Variants in RAPGEF5 observed in about 807,000 individuals in gnomAD.
RAPGEF5 encodes the protein Rap guanine nucleotide exchange factor 5, also known as M-Ras-regulated GEF.
In RAPGEF5, 65 loss-of-function variants were observed where a neutral mutation model predicts 125.2. The ratio of observed to expected loss-of-function variants is 0.52; its 90% CI spans 0.43 to 0.64. The LOEUF (loss-of-function observed/expected upper bound fraction) is 0.64, where lower values mean the gene tolerates loss of function less well. Ranked by LOEUF, RAPGEF5 falls within the 30% of genes least tolerant of loss-of-function variation. The pLI, the probability that RAPGEF5 is intolerant of heterozygous loss-of-function variation, is 0.00. For missense variants in RAPGEF5, 958 were observed against 1,048.1 expected (o/e 0.91, Z 1.19); for synonymous variants, 391 against 385.9 (o/e 1.01, Z -0.16).
intron 22 of RAPGEF5, 117 bp downstream of exon 22, chr7:22,136,816 A>G (rs1298997526): frequency 2.3e-6 from 2 of 862,238 alleles, no homozygotes; most frequent in African/African-American, 1.8e-5. Flanking sequence ...TATACAAGTA[A>G]ACTAGTCTAG....
At chr7:22,321,797 T>G (rs996344477) in intron 1 of RAPGEF5, among the ~76,000 whole-genome samples, 2 of 152,164 alleles carry the variant, frequency 1.3e-5, no homozygotes, top group Non-Finnish European at 1.5e-5. Flanking sequence ...GCCACATAAC[T>G]AGCAGGCACA....
At chr7:22,165,094 C>G (rs760364208) in intron 12 of RAPGEF5, among the ~76,000 whole-genome samples, 1 of 152,052 alleles carries the variant, frequency 6.6e-6, no homozygotes, top group Non-Finnish European at 1.5e-5. Flanking sequence ...CAGAAACAAT[C>G]ATAAAGAAAG....
chr7:22,119,132 C>T lies in RAPGEF5; in HGVS notation c.*3274G>A, dbSNP rs1708291516. ...GTCTGTGCTGGCTAGAACAGACTCGCAGGGCTGGGATATGGGTAGCAGTGA... is the reference window on the plus strand; with the variant it reads ...GTCTGTGCTGGCTAGAACAGACTCGTAGGGCTGGGATATGGGTAGCAGTGA... On this transcript the variant is annotated 3_prime_UTR_variant, in exon 26 of 26. Coordinates refer to ENST00000665637, the MANE Select transcript of RAPGEF5 (RefSeq NM_012294.5). The surrounding 1 kb of genome is among the most constrained non-coding windows in gnomAD (Gnocchi z 4.1). The T allele has an allele frequency of 6.6e-6, 1 of 152,140 alleles. No individual in the cohort carries two copies. Among genetic ancestry groups the T allele is most frequent in the Non-Finnish European group, 1.5e-5 (1 of 68,050 alleles). 9.4% of individuals were successfully genotyped at this position (152,140 alleles called of 1,614,324 possible).
At chr7:22,343,041 G>T in intron 1 of RAPGEF5, among the ~76,000 whole-genome samples, 1 of 152,152 alleles carries the variant, frequency 6.6e-6, no homozygotes, top group Non-Finnish European at 1.5e-5. Context: ...TGCTGATAAA[G>T]ACATACCCTG....
chr7:22,172,662 C>T (rs1784386232), intron 11 of RAPGEF5, among the ~76,000 whole-genome samples: 1 of 152,104 alleles, frequency 6.6e-6, no homozygotes, highest in Non-Finnish European at 1.5e-5. Flanking sequence ...AGTTCTGTTA[C>T]ATATAAATGT....
intron 23 of RAPGEF5, among the ~76,000 whole-genome samples, 200 bp downstream of exon 23, chr7:22,135,838 G>C (rs1422477603): frequency 1.3e-5 from 2 of 152,176 alleles, no homozygotes; most frequent in Non-Finnish European, 2.9e-5. Flanking sequence ...TTTGGTGTCT[G>C]CTCAAACACA....
chr7:22,310,394 G>A (rs935131471), intron 3 of RAPGEF5, among the ~76,000 whole-genome samples: 2 of 152,116 alleles, frequency 1.3e-5, no homozygotes, highest in Non-Finnish European at 2.9e-5. Context: ...CAGGAGAGCA[G>A]GAACTTTATA....
At chr7:22,316,472 TATATATATATATATATA>T (rs1783595004) in intron 2 of RAPGEF5, among the ~76,000 whole-genome samples, 2 of 53,620 alleles carry the variant, frequency 3.7e-5, no homozygotes, top group African/African-American at 1.8e-4. Context: ...TATATATATA[TATATATATATATATATA>T]TTTTTTTTTT....
intron 5 of RAPGEF5, among the ~76,000 whole-genome samples, chr7:22,296,974 A>T (rs1783077664): frequency 6.6e-6 from 1 of 152,194 alleles, no homozygotes; most frequent in Non-Finnish European, 1.5e-5. Flanking sequence ...AGACTTCTGT[A>T]ATCTTGACAA....
intron 11 of RAPGEF5, among the ~76,000 whole-genome samples, chr7:22,168,262 C>A (rs1321169057): frequency 6.6e-6 from 1 of 152,100 alleles, no homozygotes; most frequent in Non-Finnish European, 1.5e-5. Flanking sequence ...AATGGCATTG[C>A]TATCTTTATA....
chr7:22,284,092 C>CGT (rs1562507581), intron 6 of RAPGEF5, among the ~76,000 whole-genome samples: 1 of 123,624 alleles, frequency 8.1e-6, no homozygotes, highest in Non-Finnish European at 1.7e-5. Context: ...TGTGTGTGCG[C>CGT]GTGCATGTGG....
Position 22,291,094 on chromosome 7 carries a change from C to A in RAPGEF5, c.747+81G>T. On this transcript the variant is annotated intron_variant, in intron 6 of 25. Coordinates refer to ENST00000665637, the MANE Select transcript of RAPGEF5 (RefSeq NM_012294.5). ...GCCACAGGGAAAATGTCTCTCTACA[C>A]CATCACCCAAAGAACTTCCCTTCTA... is the stretch of plus-strand genomic sequence containing the variant. 4.2e-6 allele frequency: 6 copies of A among 1,444,776 alleles called. No homozygotes were observed. In the South Asian group the frequency reaches 7.0e-5, roughly 17 times the overall value. 89.5% of individuals were successfully genotyped at this position (1,444,776 alleles called of 1,614,324 possible).
At chr7:22,351,821 C>G (rs903249711) in intron 1 of RAPGEF5, among the ~76,000 whole-genome samples, 74 of 152,268 alleles carry the variant, frequency 4.9e-4, no homozygotes, top group Non-Finnish European at 3.4e-4. Context: ...AGTCAAGTTT[C>G]TAGCAGAGGA....
At chr7:22,331,973 A>G (rs1783930025) in intron 1 of RAPGEF5, among the ~76,000 whole-genome samples, 1 of 152,152 alleles carries the variant, frequency 6.6e-6, no homozygotes, top group African/African-American at 2.4e-5. Context: ...TAGGGTAAAA[A>G]CATTATATCC....
chr7:22,154,471 G>A lies in RAPGEF5; in HGVS notation c.1770C>T (p.Ala590=). The change falls in exon 17 of 26, where the codon GCC becomes GCT. Residue 590 remains alanine (A), a synonymous_variant. Coordinates refer to ENST00000665637, the MANE Select transcript of RAPGEF5 (RefSeq NM_012294.5). ...QYAEEDLALV[A]ITFSGEKHEL... ...ACAACTTACCCCCAGAGAATGTGAT[G>A]GCCACCAGAGCCAGATCCTCTTCTG... 6.2e-7 allele frequency: 1 copy of A among 1,613,706 alleles called. No individual in the cohort carries two copies. Among genetic ancestry groups the A allele is most frequent in the Non-Finnish European group, 8.5e-7 (1 of 1,179,764 alleles).
chr7:22,291,786 C>T (rs1782940961), intron 5 of RAPGEF5, among the ~76,000 whole-genome samples: 1 of 152,100 alleles, frequency 6.6e-6, no homozygotes, highest in South Asian at 2.1e-4. Flanking sequence ...AGATTACCGC[C>T]CAACTAAGAA....
At chr7:22,130,222 T>C (rs1782872819) in intron 24 of RAPGEF5, among the ~76,000 whole-genome samples, 1 of 152,234 alleles carries the variant, frequency 6.6e-6, no homozygotes, top group Non-Finnish European at 1.5e-5. Flanking sequence ...ATCTGTCAGA[T>C]AAATCCATTC....
In RAPGEF5 at chr7:22,317,977, G is replaced by A. The variant is rs1344282056; in HGVS notation, c.282+10C>T. ...TTCAGAAAAGGCAGTAAAAGAGAAA[G>A]GAATCATACCTGGGAAGGCGTATGT... On this transcript the variant is annotated intron_variant, in intron 2 of 25. Coordinates refer to ENST00000665637, the MANE Select transcript of RAPGEF5 (RefSeq NM_012294.5). 2 of 1,547,916 alleles carry A rather than the reference G, an allele frequency of 1.3e-6. No homozygotes were observed. The highest frequency in any genetic ancestry group is 1.7e-6 in the Non-Finnish European group (2 of 1,146,322).
At chr7:22,283,313 C>T (rs929968375) in intron 6 of RAPGEF5, among the ~76,000 whole-genome samples, 1 of 152,132 alleles carries the variant, frequency 6.6e-6, no homozygotes, top group African/African-American at 2.4e-5. Context: ...CACCCAGTAT[C>T]CACATAAAGT....
Sources: gnomAD v4.1 joint callset for allele counts (sites outside exome capture counted in the v4.1 genomes callset) on GRCh38, gnomAD v4.1.1 for gene constraint, Gnocchi (gnomAD v3.1) non-coding constraint, MANE v1.5 for transcripts, NCBI Gene and HGNC (gene_info 2026-07-23, HGNC 2026-07-21) for gene names.